The following SRGAP3 variants were observed in gnomAD, a reference collection of about 807,000 sequenced individuals.
The protein encoded by SRGAP3 is SLIT-ROBO Rho GTPase activating protein 3.
SRGAP3 carries 39 observed loss-of-function variants against 121.1 expected under a neutral mutation model. That is an observed-to-expected ratio of 0.32 (90% CI 0.25 to 0.42). SRGAP3 has a LOEUF of 0.42. Among genes scored for constraint, SRGAP3 ranks in the 10% least tolerant of loss-of-function variants. The pLI is 1.00. For synonymous variants in SRGAP3, 601 were observed against 570.0 expected, an observed-to-expected ratio of 1.05 and a Z score of -0.77; for missense variants, 1,213 against 1,470.6, an observed-to-expected ratio of 0.82 and a Z score of 2.86.
chr3:9,274,002 T>A (rs1006855723), intron 3 of SRGAP3, among the ~76,000 whole-genome samples: 2 of 152,206 alleles, frequency 1.3e-5, no homozygotes, highest in African/African-American at 4.8e-5. Context: ...AGAATAACTC[T>A]GATGTTCAGC....
chr3:9,246,322 G>A (rs1953822634), intron 1 of SRGAP3, among the ~76,000 whole-genome samples: 1 of 152,178 alleles, frequency 6.6e-6, no homozygotes. Context: ...AAGGTAATTG[G>A]CCTCGGGCAC....
chr3:9,164,307 T>TATTTATTTATTTATTC (rs55958756), intron 1 of SRGAP3, among the ~76,000 whole-genome samples: 1 of 151,706 alleles, frequency 6.6e-6, no homozygotes, highest in Non-Finnish European at 1.5e-5. Context: ...TTTATTTATT[T>TATTTATTTATTTATTC]TGAGATGGAG....
intron 3 of SRGAP3, among the ~76,000 whole-genome samples, chr3:9,321,256 G>A (rs9835965): frequency 0.27 from 40,613 of 151,638 alleles, 6,488 homozygotes; most frequent in East Asian, 0.44. Context: ...GTCTTCCAGT[G>A]AACATGACCC....
chr3:9,332,639 G>T (rs1955628497), intron 1 of SRGAP3, among the ~76,000 whole-genome samples: 1 of 152,144 alleles, frequency 6.6e-6, no homozygotes, highest in African/African-American at 2.4e-5. Flanking sequence ...TAAAAGAAAA[G>T]AATTGTTTGC....
At chr3:9,122,121 C>A (rs984547486) in intron 2 of SRGAP3, among the ~76,000 whole-genome samples, 2 of 152,166 alleles carry the variant, frequency 1.3e-5, no homozygotes, top group Admixed American at 6.5e-5. Context: ...GTAATACCCA[C>A]CTGGCACCAA....
At chr3:9,182,521 C>T (rs1951446874) in intron 1 of SRGAP3, among the ~76,000 whole-genome samples, 1 of 152,198 alleles carries the variant, frequency 6.6e-6, no homozygotes. Context: ...AGAGTGATTT[C>T]AGACATCCAC....
At chr3:9,230,665 GT>G (rs1161982970) in intron 1 of SRGAP3, among the ~76,000 whole-genome samples, 2 of 152,078 alleles carry the variant, frequency 1.3e-5, no homozygotes, top group Non-Finnish European at 2.9e-5. Flanking sequence ...GTGCCTAGGA[GT>G]TTAAGATAGC....
At chr3:9,044,675 G>C (rs1372323671) in intron 10 of SRGAP3, among the ~76,000 whole-genome samples, 1 of 152,128 alleles carries the variant, frequency 6.6e-6, no homozygotes, top group East Asian at 1.9e-4. Flanking sequence ...GCATAAAAAG[G>C]CCACTGACGC....
intron 1 of SRGAP3, among the ~76,000 whole-genome samples, chr3:9,233,974 T>C (rs1427493523): frequency 6.6e-6 from 1 of 152,216 alleles, no homozygotes; most frequent in Non-Finnish European, 1.5e-5. Context: ...TCTATGTTTC[T>C]GGCAGACAGC....
chr3:9,273,719 G>C (rs1954522753), intron 3 of SRGAP3, among the ~76,000 whole-genome samples: 1 of 151,726 alleles, frequency 6.6e-6, no homozygotes, highest in Non-Finnish European at 1.5e-5. Context: ...ATCGTTTTAG[G>C]TCTTACATTG....
intron 4 of SRGAP3, among the ~76,000 whole-genome samples, chr3:9,071,710 G>A (rs1181044081): frequency 1.3e-5 from 2 of 152,060 alleles, no homozygotes; most frequent in African/African-American, 4.8e-5. Flanking sequence ...GAGTGGGGAA[G>A]GAAGGTAGGA....
At chr3:9,088,807 G>T (rs1001565311) in intron 3 of SRGAP3, among the ~76,000 whole-genome samples, 5 of 152,112 alleles carry the variant, frequency 3.3e-5, no homozygotes, top group African/African-American at 1.2e-4. Context: ...CAGCGTCTCT[G>T]GTAATTCTAG....
chr3:9,216,360 CA>C (rs1952625549), intron 1 of SRGAP3, among the ~76,000 whole-genome samples: 1 of 152,166 alleles, frequency 6.6e-6, no homozygotes, highest in South Asian at 2.1e-4. Context: ...GGGCAGGGGT[CA>C]AGGTACTAAG....
chr3:9,253,819 C>G (rs899215419), upstream of SRGAP3, among the ~76,000 whole-genome samples: 2 of 152,138 alleles, frequency 1.3e-5, no homozygotes, highest in African/African-American at 4.8e-5. Context: ...CGTATGTGGT[C>G]CTCACAATAA....
chr3:9,154,864 T>C (rs1950350906), intron 1 of SRGAP3, among the ~76,000 whole-genome samples: 2 of 122,602 alleles, frequency 1.6e-5, no homozygotes, highest in African/African-American at 7.9e-5. Context: ...TCTCTAGAAC[T>C]TTTTTTTTTT....
Position 9,010,220 on chromosome 3 carries a change from T to C in SRGAP3, c.2227+88A>G, listed in dbSNP as rs532916211. The C allele has an allele frequency of 6.4e-4, 937 of 1,469,228 alleles. 1 individual carries two copies. Among genetic ancestry groups the C allele is most frequent in the Non-Finnish European group, 8.5e-4 (900 of 1,053,524 alleles). 91.0% of individuals were successfully genotyped at this position (1,469,228 alleles called of 1,614,324 possible). On this transcript the variant is annotated intron_variant, in intron 18 of 21. Transcript: ENST00000383836. The stretch of plus-strand genomic sequence containing the variant: ...TGACTTGGAAAGCTGAAGAGGTCTA[T>C]GTGGGCCAGCCCTGTGGTTGGGCTG...
intron 1 of SRGAP3, among the ~76,000 whole-genome samples, chr3:9,335,222 A>G (rs1271535717): frequency 6.6e-6 from 1 of 152,198 alleles, no homozygotes; most frequent in Non-Finnish European, 1.5e-5. Flanking sequence ...TTGGGATAGC[A>G]GGGCCGCTAG....
chr3:9,220,545 C>T (rs1259335467), intron 1 of SRGAP3, among the ~76,000 whole-genome samples: 1 of 152,124 alleles, frequency 6.6e-6, no homozygotes, highest in Non-Finnish European at 1.5e-5. Flanking sequence ...GTTTCAGGCA[C>T]AGGGCTCAGC....
intron 3 of SRGAP3, among the ~76,000 whole-genome samples, chr3:9,290,132 C>T (rs1201696010): frequency 6.6e-6 from 1 of 151,994 alleles, no homozygotes; most frequent in African/African-American, 2.4e-5. Context: ...CACCATCACC[C>T]AGTTCAGCAA....
Sources: allele counts gnomAD v4.1 joint callset (sites outside exome capture counted in the v4.1 genomes callset), GRCh38; gene constraint gnomAD v4.1.1; transcripts MANE v1.5; gene names NCBI Gene and HGNC (gene_info 2026-07-23, HGNC 2026-07-21).